The following FBXO16 variants were observed in gnomAD, a reference collection of about 807,000 sequenced individuals.
FBXO16 encodes F-box only protein 16.
In FBXO16, 31 loss-of-function variants were observed where a neutral mutation model predicts 41.0. The ratio of observed to expected loss-of-function variants is 0.76; its 90% CI spans 0.57 to 1.02. The LOEUF is 1.02. FBXO16 is among the 50% of genes least tolerant of loss of function. FBXO16 has a pLI of 0.00. For missense variants in FBXO16, 361 were observed against 346.2 expected, an observed-to-expected ratio of 1.04 and a Z score of -0.34; for synonymous variants, 133 against 117.8, an observed-to-expected ratio of 1.13 and a Z score of -0.84.
intron 4 of FBXO16, among the ~76,000 whole-genome samples, chr8:28,460,247 T>TATA (rs57422429): frequency 0.027 from 1,373 of 51,128 alleles, 6 homozygotes; most frequent in East Asian, 0.04. Flanking sequence ...ATATATATAT[T>TATA]TTTTTTTTTT....
chr8:28,482,868 C>G (rs531980852), intron 2 of FBXO16, among the ~76,000 whole-genome samples: 4 of 152,018 alleles, frequency 2.6e-5, no homozygotes, highest in African/African-American at 9.7e-5. Flanking sequence ...CATGAGCCAC[C>G]GCACCCAGCC....
chr8:28,480,244 GC>G (rs1803490005), intron 2 of FBXO16, among the ~76,000 whole-genome samples: 1 of 151,472 alleles, frequency 6.6e-6, no homozygotes, highest in South Asian at 2.1e-4. Flanking sequence ...CTCTACCTTG[GC>G]CCTTCTGTTC....
chr8:28,463,316 G>A (rs1803171980), intron 4 of FBXO16, among the ~76,000 whole-genome samples: 1 of 151,312 alleles, frequency 6.6e-6, no homozygotes, highest in South Asian at 2.1e-4. Context: ...GTGTGTGTGT[G>A]TATATGTGTA....
intron 7 of FBXO16, among the ~76,000 whole-genome samples, chr8:28,433,936 C>T (rs1382663779): frequency 6.7e-6 from 1 of 149,210 alleles, no homozygotes; most frequent in Non-Finnish European, 1.5e-5. Context: ...TGTCTACAGA[C>T]CTGTGTTTTT....
At chr8:28,465,720 G>A (rs1009656757) in intron 3 of FBXO16, among the ~76,000 whole-genome samples, 1 of 152,122 alleles carries the variant, frequency 6.6e-6, no homozygotes, top group Non-Finnish European at 1.5e-5. Flanking sequence ...AAACAGAGGG[G>A]ACTTTCTTAC....
At chr8:28,436,815 A>C (rs1205068983) in intron 7 of FBXO16, among the ~76,000 whole-genome samples, 1 of 152,202 alleles carries the variant, frequency 6.6e-6, no homozygotes, top group African/African-American at 2.4e-5. Flanking sequence ...GCAGTAGTAC[A>C]ATCATAGCTC....
At chr8:28,444,293 A>G (rs1238255472) in intron 7 of FBXO16, among the ~76,000 whole-genome samples, 5 of 145,512 alleles carry the variant, frequency 3.4e-5, no homozygotes, top group Non-Finnish European at 7.5e-5. Context: ...CTCACATCCA[A>G]TATTTCTTCT....
intron 7 of FBXO16, among the ~76,000 whole-genome samples, chr8:28,441,132 T>C (rs1349720351): frequency 2.0e-5 from 3 of 152,184 alleles, no homozygotes; most frequent in Non-Finnish European, 4.4e-5. Context: ...ACAGGTTTAA[T>C]TGGAACAGGT....
chr8:28,450,016 G>A (rs953180881), intron 6 of FBXO16, among the ~76,000 whole-genome samples: 1 of 148,720 alleles, frequency 6.7e-6, no homozygotes, highest in East Asian at 2.0e-4. Flanking sequence ...TTGCATAAAC[G>A]TCCCAAAAGA....
At chr8:28,430,759 A>G (rs1418527566) in intron 7 of FBXO16, among the ~76,000 whole-genome samples, 2 of 152,018 alleles carry the variant, frequency 1.3e-5, no homozygotes, top group East Asian at 1.9e-4. Context: ...ATCACCTGAG[A>G]TCAGGAGTTG....
chr8:28,471,502 C>T (rs1353228981), intron 3 of FBXO16, among the ~76,000 whole-genome samples: 3 of 151,782 alleles, frequency 2.0e-5, no homozygotes, highest in Non-Finnish European at 4.4e-5. Context: ...CCATGAAACA[C>T]ACAAACAAAG....
chr8:28,451,507 A>G (rs906910339), intron 6 of FBXO16, among the ~76,000 whole-genome samples: 16 of 150,826 alleles, frequency 1.1e-4, no homozygotes, highest in African/African-American at 2.4e-4. Context: ...TTACCGACAC[A>G]TGCCACCTTA....
At chr8:28,487,712 A>T (rs1259806440) in intron 1 of FBXO16, among the ~76,000 whole-genome samples, 1 of 151,794 alleles carries the variant, frequency 6.6e-6, no homozygotes, top group East Asian at 2.0e-4. Context: ...TTTTCATATA[A>T]CACATACAAA....
chr8:28,466,297 A>G (rs1045646403), intron 3 of FBXO16, among the ~76,000 whole-genome samples: 1 of 152,190 alleles, frequency 6.6e-6, no homozygotes, highest in Non-Finnish European at 1.5e-5. Context: ...AAATAAAACT[A>G]TTCACTACTA....
At position 28,472,939 on chromosome 8, in the gene FBXO16, C is replaced by T. The variant is rs117649477; in HGVS notation, c.135+833G>A. Among the ~76,000 whole-genome samples, 14 of 152,202 alleles carry T rather than the reference C, an allele frequency of 9.2e-5. No individual in the cohort carries two copies. The East Asian group carries it at 2.7e-3, about 29-fold the overall frequency. On this transcript the variant is annotated intron_variant, in intron 3 of 8. Transcript: ENST00000380254. ...GACAGTAGCTGTTGATTCCAAGGTC[C>T]AGTTTTTTTCCCATACACCCAGAAC...
intron 7 of FBXO16, among the ~76,000 whole-genome samples, chr8:28,444,489 T>C (rs971242254): frequency 4.7e-5 from 7 of 148,760 alleles, no homozygotes; most frequent in African/African-American, 1.7e-4. Flanking sequence ...TTCTTTTTTT[T>C]TTTTTTTTGA....
intron 8 of FBXO16, among the ~76,000 whole-genome samples, 153 bp downstream of exon 8, chr8:28,429,225 C>T (rs1323828766): frequency 6.6e-6 from 1 of 152,060 alleles, no homozygotes; most frequent in Non-Finnish European, 1.5e-5. Flanking sequence ...TTCTTTGATC[C>T]TCTCGCCTCT....
intron 7 of FBXO16, among the ~76,000 whole-genome samples, chr8:28,436,856 A>T (rs1802694641): frequency 6.6e-6 from 1 of 152,176 alleles, no homozygotes; most frequent in African/African-American, 2.4e-5. Context: ...GGCTCAAGCA[A>T]TCCTCCCACC....
At chr8:28,478,237 T>C (rs1803453485) in intron 2 of FBXO16, among the ~76,000 whole-genome samples, 1 of 152,164 alleles carries the variant, frequency 6.6e-6, no homozygotes, top group Non-Finnish European at 1.5e-5. Context: ...GATCATTACA[T>C]TGGATAAAAA....
Sources: gnomAD v4.1 joint callset for allele counts (sites outside exome capture counted in the v4.1 genomes callset) on GRCh38, gnomAD v4.1.1 for gene constraint, MANE v1.5 for transcripts, NCBI Gene and HGNC (gene_info 2026-07-23, HGNC 2026-07-21) for gene names.